The following CCNY variants were observed in gnomAD, a reference collection of about 807,000 sequenced individuals.
CCNY encodes cyclin-Y.
In CCNY, 19 loss-of-function variants were observed where a neutral mutation model predicts 42.8. The ratio of observed to expected loss-of-function variants is 0.44; its 90% CI spans 0.31 to 0.65. CCNY has a LOEUF of 0.65. Ranked by LOEUF, CCNY falls within the 30% of genes least tolerant of loss-of-function variation. The probability of loss-of-function intolerance (pLI) is 0.07; values close to 1 mark genes in which losing one functional copy is unlikely to be tolerated. For synonymous variants in CCNY, 165 were observed against 162.7 expected (o/e 1.01, Z -0.11); for missense variants, 370 against 437.3 (o/e 0.85, Z 1.37).
At chr10:35,511,579 A>G (rs1718285959) in intron 3 of CCNY, among the ~76,000 whole-genome samples, 1 of 152,230 alleles carries the variant, frequency 6.6e-6, no homozygotes, top group Admixed American at 6.5e-5. Flanking sequence ...CTTGGTAGTC[A>G]GACAAACATG....
At chr10:35,361,002 A>G (rs895361508) in intron 1 of CCNY, among the ~76,000 whole-genome samples, 10 of 152,128 alleles carry the variant, frequency 6.6e-5, no homozygotes, top group Admixed American at 1.3e-4. Flanking sequence ...CTGAGATTAC[A>G]GACGCCCACC....
intron 4 of CCNY, among the ~76,000 whole-genome samples, chr10:35,520,473 T>C (rs866931291): frequency 4.0e-4 from 61 of 152,262 alleles, no homozygotes; most frequent in African/African-American, 1.4e-3. Flanking sequence ...GTAGTTCAGC[T>C]TCATGGTGGG....
intron 3 of CCNY, among the ~76,000 whole-genome samples, chr10:35,506,400 G>A (rs1361410720): frequency 6.6e-6 from 1 of 152,090 alleles, no homozygotes; most frequent in African/African-American, 2.4e-5. Context: ...TCTTCTTTTT[G>A]TTTTTTCTTC....
At chr10:35,473,388 A>G (rs1839430572) in intron 1 of CCNY, among the ~76,000 whole-genome samples, 1 of 152,178 alleles carries the variant, frequency 6.6e-6, no homozygotes, top group East Asian at 1.9e-4. Context: ...GTAACTATTT[A>G]AATTTTATAA....
intron 1 of CCNY, among the ~76,000 whole-genome samples, chr10:35,444,249 C>CTTT (rs1323493317): frequency 3.7e-5 from 5 of 136,562 alleles, no homozygotes; most frequent in Admixed American, 7.3e-5. Context: ...TGTTTTTTGG[C>CTTT]TTTTTTTTTT....
At chr10:35,547,236 T>C (rs1841134748) in intron 7 of CCNY, among the ~76,000 whole-genome samples, 1 of 152,194 alleles carries the variant, frequency 6.6e-6, no homozygotes, top group Non-Finnish European at 1.5e-5. Flanking sequence ...CATTAGCTTA[T>C]TCTTTCTGTT....
intron 1 of CCNY, among the ~76,000 whole-genome samples, chr10:35,416,308 A>G (rs1423813549): frequency 1.3e-5 from 2 of 152,050 alleles, no homozygotes; most frequent in Non-Finnish European, 2.9e-5. Flanking sequence ...CTCTTTATTT[A>G]AAGTGGAGGG....
intron 7 of CCNY, among the ~76,000 whole-genome samples, chr10:35,537,137 G>T (rs1214967799): frequency 2.0e-5 from 3 of 152,188 alleles, no homozygotes; most frequent in Non-Finnish European, 2.9e-5. Context: ...GCACAGCTCG[G>T]GCTGTTGCTT....
chr10:35,538,398 A>G (rs939657710), intron 7 of CCNY, among the ~76,000 whole-genome samples: 1 of 152,210 alleles, frequency 6.6e-6, no homozygotes, highest in Non-Finnish European at 1.5e-5. Context: ...CTGTTTTTCA[A>G]AGTGACTGCA....
intron 3 of CCNY, among the ~76,000 whole-genome samples, chr10:35,296,506 G>A (rs1408756459): frequency 1.3e-5 from 2 of 152,120 alleles, no homozygotes; most frequent in Admixed American, 6.6e-5. Flanking sequence ...GCTTGAATCC[G>A]GGAGGCAGAG....
intron 1 of CCNY, among the ~76,000 whole-genome samples, chr10:35,355,815 C>T (rs1364942907): frequency 6.6e-6 from 1 of 150,454 alleles, no homozygotes; most frequent in African/African-American, 2.4e-5. Context: ...TACTATTTCT[C>T]TCTCTCTCTT....
intron 1 of CCNY, among the ~76,000 whole-genome samples, chr10:35,415,588 C>T (rs1373918065): frequency 6.6e-6 from 1 of 152,164 alleles, no homozygotes; most frequent in African/African-American, 2.4e-5. Flanking sequence ...CCTCAGTCTG[C>T]AGGGGAGGCT....
intron 3 of CCNY, among the ~76,000 whole-genome samples, chr10:35,307,455 C>A (rs1331374207): frequency 6.6e-6 from 1 of 152,176 alleles, no homozygotes; most frequent in African/African-American, 2.4e-5. Context: ...TTAGAGCTTG[C>A]AAGTTGTTAA....
chr10:35,308,801 C>T (rs1026883730), intron 3 of CCNY, among the ~76,000 whole-genome samples: 2 of 151,958 alleles, frequency 1.3e-5, no homozygotes, highest in Non-Finnish European at 2.9e-5. Flanking sequence ...GGCTCAGAGT[C>T]GGGGCAAAAA....
intron 1 of CCNY, among the ~76,000 whole-genome samples, chr10:35,481,603 G>T (rs1411445522): frequency 1.3e-5 from 2 of 152,172 alleles, no homozygotes; most frequent in African/African-American, 4.8e-5. Flanking sequence ...TGAGGCCAAG[G>T]ATTGATTTTC....
At chr10:35,391,909 G>T (rs1252463546) in intron 1 of CCNY, among the ~76,000 whole-genome samples, 1 of 152,010 alleles carries the variant, frequency 6.6e-6, no homozygotes, top group African/African-American at 2.4e-5. Flanking sequence ...GGCCTGGCTG[G>T]TGCTGGCCTC....
chr10:35,510,267 T>A (rs7911575), intron 3 of CCNY, among the ~76,000 whole-genome samples: 41,935 of 152,046 alleles, frequency 0.28, 6,094 homozygotes, highest in East Asian at 0.35. Context: ...CAGGGTGGAG[T>A]GTAGTGGCAC....
intron 3 of CCNY, among the ~76,000 whole-genome samples, chr10:35,299,700 C>T (rs1372090829): frequency 2.0e-5 from 3 of 152,128 alleles, no homozygotes; most frequent in Non-Finnish European, 2.9e-5. Context: ...CTTTATTACC[C>T]AATTGGATAA....
intron 3 of CCNY, among the ~76,000 whole-genome samples, chr10:35,265,610 C>T (rs2095724387): frequency 1.3e-5 from 2 of 152,214 alleles, no homozygotes; most frequent in African/African-American, 4.8e-5. Context: ...GAGAGGCCCA[C>T]GCCAAGCGCC....
Sources: gnomAD v4.1 joint callset for allele counts (sites outside exome capture counted in the v4.1 genomes callset) on GRCh38, gnomAD v4.1.1 for gene constraint, MANE v1.5 for transcripts, NCBI Gene and HGNC (gene_info 2026-07-23, HGNC 2026-07-21) for gene names.